Variants in NPAS3 observed in about 807,000 individuals in gnomAD.
The protein encoded by NPAS3 is neuronal PAS domain protein 3.
A neutral mutation model predicts 73.1 loss-of-function variants in NPAS3; 14 were observed. The ratio of observed to expected loss-of-function variants is 0.19; its 90% CI spans 0.13 to 0.30. The LOEUF is 0.30. Among genes scored for constraint, NPAS3 ranks in the 10% least tolerant of loss-of-function variants. NPAS3 has a pLI of 1.00. For missense variants in NPAS3, 1,096 were observed against 1,250.0 expected (o/e 0.88, Z 1.86); for synonymous variants, 620 against 541.5 (o/e 1.14, Z -2.01).
intron 6 of NPAS3, among the ~76,000 whole-genome samples, chr14:33,729,539 C>T (rs1452270629): frequency 2.0e-5 from 3 of 152,144 alleles, no homozygotes; most frequent in African/African-American, 7.2e-5. Context: ...GCAGCCGGAG[C>T]ACAGTCATCT....
At chr14:33,325,796 T>C (rs1049059687) in intron 3 of NPAS3, among the ~76,000 whole-genome samples, 1 of 151,522 alleles carries the variant, frequency 6.6e-6, no homozygotes, top group African/African-American at 2.4e-5. Context: ...CACTACACTT[T>C]CCAGCCTCTG....
intron 2 of NPAS3, among the ~76,000 whole-genome samples, chr14:33,147,938 C>T (rs1269981478): frequency 1.3e-5 from 2 of 151,822 alleles, no homozygotes. Flanking sequence ...TACATACACA[C>T]ATTAAATAAA....
At chr14:33,614,145 C>T (rs935031944) in intron 5 of NPAS3, among the ~76,000 whole-genome samples, 3 of 152,174 alleles carry the variant, frequency 2.0e-5, no homozygotes, top group African/African-American at 7.2e-5. Context: ...AAATATTTTA[C>T]AGTCACTTCA....
intron 4 of NPAS3, among the ~76,000 whole-genome samples, chr14:33,551,757 C>T: frequency 6.6e-6 from 1 of 152,156 alleles, no homozygotes; most frequent in East Asian, 1.9e-4. Flanking sequence ...CCCGTGGGGT[C>T]CCCTGTCCAC....
intron 6 of NPAS3, among the ~76,000 whole-genome samples, chr14:33,711,024 G>A (rs2060803622): frequency 6.6e-6 from 1 of 152,186 alleles, no homozygotes; most frequent in Admixed American, 6.5e-5. Flanking sequence ...TCTGCTGGGA[G>A]CAAGCGCAGG....
At chr14:33,181,932 G>C (rs1407346152) in intron 2 of NPAS3, among the ~76,000 whole-genome samples, 2 of 152,148 alleles carry the variant, frequency 1.3e-5, no homozygotes, top group Non-Finnish European at 2.9e-5. Flanking sequence ...AGACAGTAAG[G>C]TGTACAGTGC....
At chr14:33,746,199 A>ATTTATTTT (rs571026434) in intron 7 of NPAS3, among the ~76,000 whole-genome samples, 2,667 of 148,886 alleles carry the variant, frequency 0.018, 78 homozygotes, top group African/African-American at 0.064. Flanking sequence ...TTATTTATTT[A>ATTTATTTT]TTTTTTTGAG....
chr14:33,330,948 A>G lies in NPAS3; in HGVS notation c.386-36238A>G, dbSNP rs553770948. ...GGAATGCATTCTAATGAAGGCATAT[A>G]TTTTAAAGGTTGAGGTGGAAAAGAG... On this transcript the variant is annotated intron_variant, in intron 3 of 11. Transcript: ENST00000356141. 3.9e-5 allele frequency among the ~76,000 whole-genome samples: 6 copies of G among 152,368 alleles called. No individual in the cohort carries two copies. The South Asian group carries it at 1.2e-3, about 32-fold the overall frequency.
intron 3 of NPAS3, among the ~76,000 whole-genome samples, chr14:33,356,325 C>T (rs968445730): frequency 6.6e-6 from 1 of 152,220 alleles, no homozygotes; most frequent in Non-Finnish European, 1.5e-5. Flanking sequence ...GATTCTTTTT[C>T]AGAAAATGTT....
intron 3 of NPAS3, among the ~76,000 whole-genome samples, chr14:33,360,536 T>G (rs2045550532): frequency 6.6e-6 from 1 of 152,192 alleles, no homozygotes; most frequent in East Asian, 1.9e-4. Context: ...AAGCTTTACA[T>G]CCAAAAGCAA....
chr14:33,686,311 G>T (rs1182750926), intron 6 of NPAS3, among the ~76,000 whole-genome samples: 1 of 152,212 alleles, frequency 6.6e-6, no homozygotes, highest in East Asian at 1.9e-4. Flanking sequence ...CCCAGATCAG[G>T]GAGGAGCTGG....
At chr14:33,277,667 G>C (rs2041397122) in intron 3 of NPAS3, among the ~76,000 whole-genome samples, 1 of 152,116 alleles carries the variant, frequency 6.6e-6, no homozygotes, top group Admixed American at 6.6e-5. Flanking sequence ...CCTGAGAAGA[G>C]GCCACTGAGG....
At chr14:33,703,906 C>T (rs77894357) in intron 6 of NPAS3, among the ~76,000 whole-genome samples, 125 of 152,290 alleles carry the variant, frequency 8.2e-4, no homozygotes, top group Admixed American at 1.6e-3. Flanking sequence ...CCCCAGAGCC[C>T]ATGTTCTCCA....
intron 3 of NPAS3, among the ~76,000 whole-genome samples, chr14:33,278,532 T>A (rs1203767667): frequency 1.3e-5 from 2 of 150,066 alleles, no homozygotes; most frequent in African/African-American, 2.4e-5. Context: ...TCAAGAACGA[T>A]AAGGGGAAAA....
At chr14:33,512,964 GT>G (rs774651534) in intron 4 of NPAS3, among the ~76,000 whole-genome samples, 39 of 152,110 alleles carry the variant, frequency 2.6e-4, no homozygotes, top group Non-Finnish European at 4.6e-4. Context: ...AAGTTAGTTG[GT>G]AACCCCCAAT....
At chr14:33,201,807 C>G (rs1456135431) in intron 2 of NPAS3, among the ~76,000 whole-genome samples, 1 of 152,148 alleles carries the variant, frequency 6.6e-6, no homozygotes, top group Non-Finnish European at 1.5e-5. Flanking sequence ...TTGCCCCATT[C>G]CAATTAAGTA....
At chr14:33,524,579 C>A (rs916013619) in intron 4 of NPAS3, among the ~76,000 whole-genome samples, 5 of 152,162 alleles carry the variant, frequency 3.3e-5, no homozygotes, top group Non-Finnish European at 7.4e-5. Flanking sequence ...TAGATGATAA[C>A]CTTCCTCTAA....
At chr14:33,653,348 C>T (rs1023180165) in intron 5 of NPAS3, among the ~76,000 whole-genome samples, 1 of 152,192 alleles carries the variant, frequency 6.6e-6, no homozygotes, top group African/African-American at 2.4e-5. Context: ...TAAAGTTCTG[C>T]ATTCTGTATA....
At chr14:33,273,860 A>C (rs74042014) in intron 3 of NPAS3, among the ~76,000 whole-genome samples, 5,145 of 152,260 alleles carry the variant, frequency 0.034, 280 homozygotes, top group African/African-American at 0.12. Flanking sequence ...ATGTCCAACA[A>C]AAAAACTTTC....
Sources: allele counts gnomAD v4.1 joint callset (sites outside exome capture counted in the v4.1 genomes callset), GRCh38; gene constraint gnomAD v4.1.1; transcripts MANE v1.5; gene names NCBI Gene and HGNC (gene_info 2026-07-23, HGNC 2026-07-21).